Variants in CHD3 observed in about 807,000 individuals in gnomAD.
CHD3 encodes the protein chromodomain helicase DNA binding protein 3.
In CHD3, 52 loss-of-function variants were observed where a neutral mutation model predicts 248.9. The observed-to-expected ratio is 0.21, with a 90% CI of 0.17 to 0.26. The LOEUF (loss-of-function observed/expected upper bound fraction) is 0.26, where lower values mean the gene tolerates loss of function less well. Among genes scored for constraint, CHD3 ranks in the 10% least tolerant of loss-of-function variants. CHD3 has a pLI of 1.00. For missense variants in CHD3, 1,482 were observed against 2,605.8 expected, an observed-to-expected ratio of 0.57 and a Z score of 9.39; for synonymous variants, 985 against 985.2, an observed-to-expected ratio of 1.00 and a Z score of 0.00.
In CHD3 at chr17:7,906,828, G is replaced by T; in HGVS notation, c.4504-41G>T. 3 of 1,611,472 alleles carry T rather than the reference G, an allele frequency of 1.9e-6. No homozygotes were observed. The highest frequency in any genetic ancestry group is 1.7e-5 in the Admixed American group (1 of 59,862). On this transcript the variant is annotated intron_variant, in intron 29 of 39. Transcript: ENST00000330494. The surrounding 1 kb of genome is among the most constrained non-coding windows in gnomAD (Gnocchi z 5.0). ...AGACTGGAGCTTCCTGTCTGTAAGC[G>T]CCTGGAGCTGACACCTAACCCTCCC... is the stretch of plus-strand genomic sequence containing the variant.
chr17:7,885,042 C>T (rs1281358012), upstream of CHD3: 7 of 1,094,990 alleles, frequency 6.4e-6, no homozygotes, highest in African/African-American at 1.0e-4. Context: ...CCGCCGCCGC[C>T]GCCGCCACCG....
chr17:7,891,131 G>A, intron 4 of CHD3, 67 bp downstream of exon 4: 1 of 1,561,120 alleles, frequency 6.4e-7, no homozygotes, highest in East Asian at 2.3e-5. Flanking sequence ...TGGACCCCTT[G>A]GAATCTGATG....
chr17:7,906,189 G>C lies in CHD3; in HGVS notation c.4358+200G>C, dbSNP rs777609556. On this transcript the variant is annotated intron_variant, in intron 28 of 39. Transcript: ENST00000330494. The surrounding 1 kb of genome is among the most constrained non-coding windows in gnomAD (Gnocchi z 5.0). ...CCCTCAGCCGAGCCTAGAGTAGAGGGGCCAGGCATCCTCCCCAGGGGAGGG... is the reference window on the plus strand; with the variant it reads ...CCCTCAGCCGAGCCTAGAGTAGAGGCGCCAGGCATCCTCCCCAGGGGAGGG... 1 of 869,652 alleles carries C rather than the reference G, an allele frequency of 1.1e-6. No homozygotes were observed. Among genetic ancestry groups the C allele is most frequent in the African/African-American group, 1.6e-5 (1 of 60,968 alleles). The allele number at this position is 869,652 out of a possible 1,614,324, so 53.9% of individuals were successfully genotyped here. A position where few individuals can be genotyped will look rare whatever the true frequency, so the allele number is the denominator to read the frequency against.
In CHD3 at chr17:7,911,017, T is replaced by C. The variant is rs752119703; in HGVS notation, c.5881+44T>C. On this transcript the variant is annotated intron_variant, in intron 39 of 39. Coordinates refer to ENST00000330494, the MANE Select transcript of CHD3 (RefSeq NM_001005273.3). This position sits in a 1 kb window ranked among gnomAD's most constrained non-coding sequence, Gnocchi z 5.4. ...ACCCCCTGCTACTCACACTCCTCCTTTGCCAAACTTTATTTCTGCTCAGCT... is the reference window on the plus strand; with the variant it reads ...ACCCCCTGCTACTCACACTCCTCCTCTGCCAAACTTTATTTCTGCTCAGCT... 1.6e-5 allele frequency: 26 copies of C among 1,607,694 alleles called. No individual in the cohort carries two copies. Among genetic ancestry groups the C allele is most frequent in the Non-Finnish European group, 2.2e-5 (26 of 1,178,180 alleles).
rs770485352 is a variant in CHD3, at chr17:7,907,165, C to T, written c.4706C>T (p.Thr1569Ile). 5.6e-6 allele frequency: 9 copies of T among 1,614,198 alleles called. No individual in the cohort carries two copies. The South Asian group carries it at 8.8e-5, about 16-fold the overall frequency. The change falls in exon 31 of 40, where the codon ACA becomes ATA. Residue 1569 changes from threonine (T) to isoleucine (I), a missense_variant. Thr to Ile is a moderately conservative substitution (Grantham distance 89, BLOSUM62 -1). This residue lies in a region of CHD3 where 254 missense variants were observed against 266.7 expected (regional missense o/e 0.95). Transcript: ENST00000330494. This position sits in a 1 kb window ranked among gnomAD's most constrained non-coding sequence, Gnocchi z 4.3. ...APSEKGEGIR[T>I]PLEKEEAENQ... is the part of the protein sequence containing the mutation. ...AGTGAGAAAGGAGAAGGCATAAGGA[C>T]ACCTCTTGAGAAGGAGGAAGCTGAA... is the stretch of plus-strand genomic sequence containing the variant.
chr17:7,901,543 T>C (rs895039146), intron 20 of CHD3, among the ~76,000 whole-genome samples, 168 bp downstream of exon 20: 1 of 140,094 alleles, frequency 7.1e-6, no homozygotes, highest in Non-Finnish European at 1.5e-5. Context: ...AGAGTTTCGC[T>C]CTTATTGCCC....
At position 7,903,893 on chromosome 17, in the gene CHD3, C is replaced by T; in HGVS notation, c.3796C>T (p.Arg1266Trp). Residue 1266 changes from arginine to tryptophan, a missense_variant, in exon 24 of 40, where the codon CGG becomes TGG. Coordinates refer to ENST00000330494, the MANE Select transcript of CHD3 (RefSeq NM_001005273.3). This position sits in a 1 kb window ranked among gnomAD's most constrained non-coding sequence, Gnocchi z 6.8. ...DNEAIARLLD[R>W]NQDATEDTDV... ...TGAGGCCATCGCTCGGCTGTTGGAC[C>T]GGAACCAGGATGCAACTGAGGACAC... 1 of 1,614,102 alleles carries T rather than the reference C, an allele frequency of 6.2e-7. No homozygotes were observed. The highest frequency in any genetic ancestry group is 8.5e-7 in the Non-Finnish European group (1 of 1,180,000).
At position 7,907,421 on chromosome 17, in the gene CHD3, T is replaced by C; in HGVS notation, c.4857T>C (p.Asp1619=). Reference sequence around the variant, plus strand: ...AGCCAAGGAAGATTCCTCTAGAGGATGAGGTGCCAGGGGTGCCTGGAGAGA... The same window carrying C: ...AGCCAAGGAAGATTCCTCTAGAGGACGAGGTGCCAGGGGTGCCTGGAGAGA... The part of the protein sequence containing the change: ...RLEPRKIPLE[D]EVPGVPGEME... The change falls in exon 32 of 40, where the codon GAT becomes GAC. Residue 1619 remains aspartate (D), a synonymous_variant. Transcript: ENST00000330494. This position sits in a 1 kb window ranked among gnomAD's most constrained non-coding sequence, Gnocchi z 4.3. The C allele has an allele frequency of 6.2e-7, 1 of 1,611,392 alleles. No individual in the cohort carries two copies. The highest frequency in any genetic ancestry group is 8.5e-7 in the Non-Finnish European group (1 of 1,178,732).
At position 7,909,401 on chromosome 17, in the gene CHD3, C is replaced by A; in HGVS notation, c.5590+63C>A. 1 of 1,474,222 alleles carries A rather than the reference C, an allele frequency of 6.8e-7. No individual in the cohort carries two copies. The allele number at this position is 1,474,222 out of a possible 1,614,324, so 91.3% of individuals were successfully genotyped here. Reference sequence around the variant, plus strand: ...CAACGCTGCGTAAGTCTTCACCCCGCACCCCTCAAAATCTTCCCACCCCCT... The same window carrying A: ...CAACGCTGCGTAAGTCTTCACCCCGAACCCCTCAAAATCTTCCCACCCCCT... On this transcript the variant is annotated intron_variant, in intron 37 of 39. Coordinates refer to ENST00000330494, the MANE Select transcript of CHD3 (RefSeq NM_001005273.3). The surrounding 1 kb of genome is among the most constrained non-coding windows in gnomAD (Gnocchi z 8.1).
Position 7,908,323 on chromosome 17 carries a change from C to A in CHD3, c.5153-79C>A. 8.7e-7 allele frequency: 1 copy of A among 1,149,482 alleles called. No individual in the cohort carries two copies. The highest frequency in any genetic ancestry group is 1.3e-6 in the Non-Finnish European group (1 of 783,710). 71.2% of individuals were successfully genotyped at this position (1,149,482 alleles called of 1,614,324 possible). The stretch of plus-strand genomic sequence containing the variant: ...TTAGTTCCCTTTCATTATTCAGTTT[C>A]TCCATCTCTACCTGTCTGTTGGACT... On this transcript the variant is annotated intron_variant, in intron 34 of 39. Coordinates refer to ENST00000330494, the MANE Select transcript of CHD3 (RefSeq NM_001005273.3). This position sits in a 1 kb window ranked among gnomAD's most constrained non-coding sequence, Gnocchi z 5.8.
At chr17:7,894,714 G>C in intron 8 of CHD3, 106 bp downstream of exon 8, 1 of 1,350,460 alleles carries the variant, frequency 7.4e-7, no homozygotes, top group Non-Finnish European at 1.0e-6. Context: ...GGACTTCTTA[G>C]TAACAGATGT....
At chr17:7,888,727 G>GGTGCGCGC (rs1046681365), upstream of CHD3, 92 of 939,932 alleles carry the variant, frequency 9.8e-5, no homozygotes, top group East Asian at 3.4e-3. Flanking sequence ...TGTGGGTGTG[G>GGTGCGCGC]GTGCGCGCGT....
chr17:7,905,880 C>T lies in CHD3; in HGVS notation c.4249C>T (p.Arg1417Trp). 1 of 1,614,174 alleles carries T rather than the reference C, an allele frequency of 6.2e-7. No individual in the cohort carries two copies. The highest frequency in any genetic ancestry group is 8.5e-7 in the Non-Finnish European group (1 of 1,180,036). The change falls in exon 28 of 40, where the codon CGG (arginine) becomes TGG (tryptophan). Residue 1417 changes from arginine to tryptophan, a missense_variant. Arg to Trp is a moderately radical substitution (Grantham distance 101, BLOSUM62 -3). Coordinates refer to ENST00000330494, the MANE Select transcript of CHD3 (RefSeq NM_001005273.3). This position sits in a 1 kb window ranked among gnomAD's most constrained non-coding sequence, Gnocchi z 5.8. ...GGTGCTGGGCTTCAACACCCGTCAGCGGAAGGCTTTCCTCAATGCTGTGAT... is the reference window on the plus strand; with the variant it reads ...GGTGCTGGGCTTCAACACCCGTCAGTGGAAGGCTTTCCTCAATGCTGTGAT... ...IEVLGFNTRQ[R>W]KAFLNAVMRW...
chr17:7,902,944 G>A lies in CHD3; in HGVS notation c.3378G>A (p.Gly1126=), dbSNP rs778392204. 6 of 1,614,018 alleles carry A rather than the reference G, an allele frequency of 3.7e-6. No individual in the cohort carries two copies. Among genetic ancestry groups the A allele is most frequent in the East Asian group, 4.5e-5 (2 of 44,872 alleles). The stretch of plus-strand genomic sequence containing the variant: ...CCAACTCTCACCTCCTAGCTCCTGG[G>A]GCCCAACAATTCTGCTTCCTCCTGT... ...QEAIDRFNAP[G]AQQFCFLLST... is the part of the protein sequence containing the mutation. Residue 1126 remains glycine, a synonymous_variant, in exon 22 of 40, where the codon GGG becomes GGA. Transcript: ENST00000330494.
Position 7,903,492 on chromosome 17 carries a change from A to T in CHD3, c.3716A>T (p.Asp1239Val). The T allele has an allele frequency of 6.2e-7, 1 of 1,613,478 alleles. No individual in the cohort carries two copies. The highest frequency in any genetic ancestry group is 8.5e-7 in the Non-Finnish European group (1 of 1,179,590). ...LKFGTEELFK[D>V]ENEGENKEED... is the part of the protein sequence containing the mutation. ...TTTGGCACTGAAGAGCTATTCAAGG[A>T]TGAAAACGAGGGTGAGAACCTTTTC... Residue 1239 changes from aspartate to valine, a missense_variant, in exon 23 of 40, where the codon GAT (aspartate) becomes GTT (valine). Physicochemically the swap from Asp to Val is radical, Grantham distance 152 (BLOSUM62 -3). Transcript: ENST00000330494. The surrounding 1 kb of genome is among the most constrained non-coding windows in gnomAD (Gnocchi z 6.8).
At chr17:7,884,863 G>A (rs1332166154), upstream of CHD3, 1 of 1,239,150 alleles carries the variant, frequency 8.1e-7, no homozygotes, top group Non-Finnish European at 1.1e-6. Context: ...TGGTGTCGGA[G>A]GAGGAAGAAG....
At position 7,903,266 on chromosome 17, in the gene CHD3, C is replaced by T. The variant is rs200905681; in HGVS notation, c.3496-6C>T. The stretch of plus-strand genomic sequence containing the variant: ...ACCCACCCGCCACTTTCTCTTGCCC[C>T]TGCAGGCCTTTAGCCGGGCTCATCG... On this transcript the variant is annotated splice_region_variant and splice_polypyrimidine_tract_variant and intron_variant, in intron 22 of 39. Transcript: ENST00000330494. The surrounding 1 kb of genome is among the most constrained non-coding windows in gnomAD (Gnocchi z 6.8). 1.9e-6 allele frequency: 3 copies of T among 1,613,556 alleles called. No individual in the cohort carries two copies. The highest frequency in any genetic ancestry group is 2.2e-5 in the East Asian group (1 of 44,878).
chr17:7,903,544 C>A lies in CHD3; in HGVS notation c.3727+41C>A. On this transcript the variant is annotated intron_variant, in intron 23 of 39. Coordinates refer to ENST00000330494, the MANE Select transcript of CHD3 (RefSeq NM_001005273.3). This position sits in a 1 kb window ranked among gnomAD's most constrained non-coding sequence, Gnocchi z 6.8. The stretch of plus-strand genomic sequence containing the variant: ...GCAGCTCTGTGAAAGCAGGCCCCTG[C>A]TCTCTCAGGAGTACTTATCAGCCCC... The A allele has an allele frequency of 6.6e-7, 1 of 1,517,752 alleles. No homozygotes were observed. The highest frequency in any genetic ancestry group is 9.0e-7 in the Non-Finnish European group (1 of 1,106,064). 94.0% of individuals were successfully genotyped at this position (1,517,752 alleles called of 1,614,324 possible). A position where few individuals can be genotyped will look rare whatever the true frequency, so the allele number is the denominator to read the frequency against.
chr17:7,888,741 C>T (rs1193895573), upstream of CHD3: 5 of 1,208,530 alleles, frequency 4.1e-6, no homozygotes, highest in African/African-American at 3.1e-5. Context: ...CGCGCGTGCG[C>T]GCGCGTGCTT....
Sources: allele counts gnomAD v4.1 joint callset (sites outside exome capture counted in the v4.1 genomes callset), GRCh38; gene constraint gnomAD v4.1.1; regional missense constraint gnomAD v4.1.1; non-coding constraint Gnocchi (gnomAD v3.1); transcripts MANE v1.5; gene names NCBI Gene and HGNC (gene_info 2026-07-23, HGNC 2026-07-21).